Variants in ZNF385B observed in about 807,000 individuals in gnomAD.
ZNF385B encodes zinc finger protein 533.
A neutral mutation model predicts 39.2 loss-of-function variants in ZNF385B; 23 were observed. The ratio of observed to expected loss-of-function variants is 0.59; its 90% confidence interval spans 0.42 to 0.83. ZNF385B has a LOEUF of 0.83. Ranked by LOEUF, ZNF385B falls within the 40% of genes least tolerant of loss-of-function variation. The pLI, the probability that ZNF385B is intolerant of heterozygous loss-of-function variation, is 0.00. For synonymous variants in ZNF385B, 205 were observed against 222.6 expected, an observed-to-expected ratio of 0.92 and a Z score of 0.70; for missense variants, 552 against 598.9, an observed-to-expected ratio of 0.92 and a Z score of 0.82.
intron 3 of ZNF385B, among the ~76,000 whole-genome samples, chr2:179,582,633 A>G (rs1413018676): frequency 6.6e-6 from 1 of 152,180 alleles, no homozygotes; most frequent in Non-Finnish European, 1.5e-5. Flanking sequence ...AAATGCATCC[A>G]CTATAGATAA....
At chr2:179,595,687 A>T (rs773822424) in intron 3 of ZNF385B, among the ~76,000 whole-genome samples, 3 of 147,176 alleles carry the variant, frequency 2.0e-5, no homozygotes, top group Non-Finnish European at 4.5e-5. Flanking sequence ...GTGAAGTAGT[A>T]TGATCACAGC....
chr2:179,751,323 A>G (rs943548106), intron 3 of ZNF385B, among the ~76,000 whole-genome samples: 9 of 152,070 alleles, frequency 5.9e-5, no homozygotes, highest in Admixed American at 5.9e-4. Context: ...AAGTTCCATC[A>G]GAATATTGAT....
intron 4 of ZNF385B, among the ~76,000 whole-genome samples, chr2:179,525,281 A>T (rs922226420): frequency 6.6e-6 from 1 of 152,228 alleles, no homozygotes; most frequent in Non-Finnish European, 1.5e-5. Context: ...AAGGTGCTTA[A>T]GGAAAAGTTT....
chr2:179,614,895 G>A (rs1226530238), intron 3 of ZNF385B, among the ~76,000 whole-genome samples: 2 of 152,144 alleles, frequency 1.3e-5, no homozygotes, highest in African/African-American at 2.4e-5. Context: ...AGTGCATCAT[G>A]TATAATTCAT....
chr2:179,779,578 C>G (rs1223301505), intron 1 of ZNF385B, among the ~76,000 whole-genome samples: 1 of 152,182 alleles, frequency 6.6e-6, no homozygotes, highest in African/African-American at 2.4e-5. Flanking sequence ...TGGACAAGTT[C>G]AGGACTATTA....
At chr2:179,578,759 T>C (rs1686147810) in intron 3 of ZNF385B, among the ~76,000 whole-genome samples, 1 of 152,116 alleles carries the variant, frequency 6.6e-6, no homozygotes, top group African/African-American at 2.4e-5. Context: ...TCACTGTTTG[T>C]TCAGCTGATC....
rs541150309 is a variant in ZNF385B, at chr2:179,460,213, T to C, written c.716-13443A>G. Reference sequence around the variant, plus strand: ...GGTAAAGAGTCAGCTCAGGCCTATCTGAAGAGGTGATATTGAAACCTCCTT... The same window carrying C: ...GGTAAAGAGTCAGCTCAGGCCTATCCGAAGAGGTGATATTGAAACCTCCTT... On this transcript the variant is annotated intron_variant, in intron 6 of 9. Transcript: ENST00000410066. 6.6e-5 allele frequency among the ~76,000 whole-genome samples: 10 copies of C among 152,178 alleles called. No individual in the cohort carries two copies. In the East Asian group the frequency reaches 1.7e-3, roughly 26 times the overall value.
At chr2:179,594,044 T>C (rs10169561) in intron 3 of ZNF385B, among the ~76,000 whole-genome samples, 66,643 of 151,854 alleles carry the variant, frequency 0.44, 15,206 homozygotes, top group Middle Eastern at 0.59. Flanking sequence ...AAAAGAAAAG[T>C]AGGCAAAAAG....
At chr2:179,815,090 G>C (rs1706979253) in intron 1 of ZNF385B, among the ~76,000 whole-genome samples, 1 of 152,270 alleles carries the variant, frequency 6.6e-6, no homozygotes, top group Non-Finnish European at 1.5e-5. Context: ...AAAGGCCTGT[G>C]CTTTCAAAAC....
At position 179,538,622 on chromosome 2, in the gene ZNF385B, T is replaced by TC. The variant is rs1449463740; in HGVS notation, c.441+6204dup. 2.6e-5 allele frequency among the ~76,000 whole-genome samples: 4 copies of TC among 152,326 alleles called. No homozygotes were observed. The East Asian group carries it at 7.7e-4, about 29-fold the overall frequency. ...ATCATATAAATCATTTCATAACTTG[T>TC]CATGGATGATTCACAGAATCATACA... On this transcript the variant is annotated intron_variant, in intron 4 of 9. Transcript: ENST00000410066.
At chr2:179,828,485 G>A (rs1219669296) in intron 1 of ZNF385B, among the ~76,000 whole-genome samples, 1 of 152,014 alleles carries the variant, frequency 6.6e-6, no homozygotes, top group African/African-American at 2.4e-5. Context: ...CTGCTTTGTA[G>A]CTTAAGTAAA....
chr2:179,559,908 G>T (rs1297329941), intron 3 of ZNF385B, among the ~76,000 whole-genome samples: 1 of 151,876 alleles, frequency 6.6e-6, no homozygotes, highest in Non-Finnish European at 1.5e-5. Flanking sequence ...GACAATATTG[G>T]CCTACATCTC....
At chr2:179,493,796 T>TATATGTATATGCATATATGTATACAG (rs2055822810) in intron 5 of ZNF385B, among the ~76,000 whole-genome samples, 2 of 101,124 alleles carry the variant, frequency 2.0e-5, no homozygotes, top group African/African-American at 3.4e-5. Flanking sequence ...TATGTATACA[T>TATATGTATATGCATATATGTATACAG]ATATGTATAT....
At chr2:179,801,647 G>A (rs553792882) in intron 1 of ZNF385B, among the ~76,000 whole-genome samples, 2 of 152,138 alleles carry the variant, frequency 1.3e-5, no homozygotes, top group African/African-American at 2.4e-5. Context: ...GGCTTATCAC[G>A]GCCCCTGCCA....
intron 3 of ZNF385B, among the ~76,000 whole-genome samples, chr2:179,635,401 GA>G (rs1179224058): frequency 1.1e-4 from 15 of 139,772 alleles, no homozygotes; most frequent in Non-Finnish European, 1.2e-4. Context: ...GGGGCTGGGG[GA>G]GGAATAGCAT....
chr2:179,779,894 T>C (rs1704563752), intron 1 of ZNF385B, among the ~76,000 whole-genome samples: 1 of 152,154 alleles, frequency 6.6e-6, no homozygotes, highest in African/African-American at 2.4e-5. Context: ...ATGATGTTTA[T>C]ATATTTTTTT....
intron 3 of ZNF385B, among the ~76,000 whole-genome samples, chr2:179,746,256 A>T (rs1702375940): frequency 6.6e-6 from 1 of 152,204 alleles, no homozygotes; most frequent in South Asian, 2.1e-4. Context: ...TGGCTTTTCA[A>T]CAATGAGCAG....
intron 4 of ZNF385B, among the ~76,000 whole-genome samples, chr2:179,537,315 AAT>A (rs1491158817): frequency 2.2e-4 from 32 of 143,150 alleles, no homozygotes; most frequent in Middle Eastern, 3.5e-3. Flanking sequence ...AAAAAAAAAA[AAT>A]AAATAAAAAA....
intron 6 of ZNF385B, among the ~76,000 whole-genome samples, chr2:179,450,878 A>C (rs1057186017): frequency 3.3e-5 from 5 of 152,136 alleles, no homozygotes; most frequent in Non-Finnish European, 7.4e-5. Context: ...AGACTGGATT[A>C]AGAAAATGTG....
Sources: gnomAD v4.1 joint callset for allele counts (sites outside exome capture counted in the v4.1 genomes callset) on GRCh38, gnomAD v4.1.1 for gene constraint, MANE v1.5 for transcripts, NCBI Gene and HGNC (gene_info 2026-07-23, HGNC 2026-07-21) for gene names.